Variants in GYG1 observed in about 807,000 individuals in gnomAD.
The protein encoded by GYG1 is glycogenin 1.
Under a neutral mutation model 41.9 loss-of-function variants are expected in GYG1, and 44 were observed. The ratio of observed to expected loss-of-function variants is 1.05; its 90% CI spans 0.83 to 1.35. The LOEUF (loss-of-function observed/expected upper bound fraction) is 1.35. Among genes scored for constraint, GYG1 ranks in the 40% most tolerant of loss-of-function variants. The pLI, the probability that GYG1 is intolerant of heterozygous loss-of-function variation, is 0.00. For missense variants in GYG1, 429 were observed against 418.9 expected, an observed-to-expected ratio of 1.02 and a Z score of -0.21; for synonymous variants, 141 against 158.1, an observed-to-expected ratio of 0.89 and a Z score of 0.81.
chr3:149,008,150 C>T (rs1355349263), intron 4 of GYG1: 1 of 152,178 alleles, frequency 6.6e-6, no homozygotes, highest in African/African-American at 2.4e-5. Flanking sequence ...GCCTTCTGGG[C>T]CCTCTGTTGA....
Position 148,996,450 on chromosome 3 carries a change from T to C in GYG1, c.292T>C (p.Cys98Arg). 3 of 1,614,000 alleles carry C rather than the reference T, an allele frequency of 1.9e-6. No homozygotes were observed. Among genetic ancestry groups the C allele is most frequent in the Non-Finnish European group, 2.5e-6 (3 of 1,179,924 alleles). ...HCWSLTQYSKCVFMDADTLVL... is the reference protein window; with the variant it reads ...HCWSLTQYSKRVFMDADTLVL... Reference sequence around the variant, plus strand: ...CTGGTCGCTTACACAGTATTCAAAATGTGTATTCATGGATGCAGATACTCT... The same window carrying C: ...CTGGTCGCTTACACAGTATTCAAAACGTGTATTCATGGATGCAGATACTCT... The change falls in exon 3 of 8, where the codon TGT (cysteine) becomes CGT (arginine). Residue 98 changes from cysteine (C) to arginine (R), a missense_variant. Physicochemically the swap from Cys to Arg is radical, Grantham distance 180. Transcript: ENST00000345003.
At chr3:149,013,355 T>G (rs752872026) in intron 5 of GYG1, among the ~76,000 whole-genome samples, 2 of 152,182 alleles carry the variant, frequency 1.3e-5, no homozygotes, top group Non-Finnish European at 2.9e-5. Flanking sequence ...ATCGTTTAGT[T>G]TCATTTTTGC....
intron 5 of GYG1, among the ~76,000 whole-genome samples, chr3:149,014,574 C>T (rs1184401572): frequency 3.3e-5 from 5 of 151,580 alleles, no homozygotes; most frequent in African/African-American, 1.2e-4. Context: ...GAGGGTGGAT[C>T]TCTTGAGCCC....
chr3:148,996,986 T>A, intron 4 of GYG1, 82 bp downstream of exon 4: 1 of 1,037,560 alleles, frequency 9.6e-7, no homozygotes, highest in Non-Finnish European at 1.5e-6. Flanking sequence ...ATAATTGCTG[T>A]GGTTTATTCT....
intron 1 of GYG1, 36 bp from the exon 2 acceptor site, chr3:148,994,106 T>C (rs755550685): frequency 1.0e-5 from 16 of 1,598,368 alleles, no homozygotes; most frequent in Admixed American, 3.3e-5. Flanking sequence ...CCAGATAAGA[T>C]ACTGTAATGA....
chr3:149,005,430 A>G (rs765795011), intron 4 of GYG1, among the ~76,000 whole-genome samples: 106 of 152,202 alleles, frequency 7.0e-4, no homozygotes, highest in Non-Finnish European at 5.1e-4. Flanking sequence ...TATAATCACA[A>G]TGTATGTAGC....
chr3:149,000,312 T>C (rs1713022708), intron 4 of GYG1, among the ~76,000 whole-genome samples: 2 of 152,254 alleles, frequency 1.3e-5, no homozygotes, highest in Admixed American at 6.5e-5. Flanking sequence ...ATTTTCAAAC[T>C]GTCTTGGCAC....
chr3:148,996,497 A>G, intron 3 of GYG1, 21 bp downstream of exon 3: 1 of 1,590,724 alleles, frequency 6.3e-7, no homozygotes, highest in Non-Finnish European at 8.6e-7. Flanking sequence ...CTTTGAGGGT[A>G]GAAAAGAAAG....
rs192597364 is a variant in GYG1 at position 149,003,136 on chromosome 3, A to T, written c.482-6140A>T. 8.5e-3 allele frequency among the ~76,000 whole-genome samples: 1,160 copies of T among 136,160 alleles called. 6 individuals carry two copies. The highest frequency in any genetic ancestry group is 0.013 in the Non-Finnish European group (850 of 64,570). The allele number at this position is 136,160 out of a possible 152,430, so 89.3% of individuals were successfully genotyped here. ...ATAATTTTTTTTTTTTTTTTTTGAGATGGAGTTTCACTGTTGTTGCCCAGG... is the reference window on the plus strand; with the variant it reads ...ATAATTTTTTTTTTTTTTTTTTGAGTTGGAGTTTCACTGTTGTTGCCCAGG... On this transcript the variant is annotated intron_variant, in intron 4 of 7. Transcript: ENST00000345003.
intron 4 of GYG1, among the ~76,000 whole-genome samples, chr3:149,006,196 C>A (rs1713396692): frequency 6.6e-6 from 1 of 150,940 alleles, no homozygotes; most frequent in Non-Finnish European, 1.5e-5. Flanking sequence ...TGTTCTTCTG[C>A]CTCAGCCTCC....
intron 5 of GYG1, among the ~76,000 whole-genome samples, chr3:149,023,302 C>T (rs1190636402): frequency 6.6e-6 from 1 of 152,176 alleles, no homozygotes; most frequent in African/African-American, 2.4e-5. Context: ...AGTGTCCTCC[C>T]CCTGAGGAGG....
intron 5 of GYG1, among the ~76,000 whole-genome samples, chr3:149,017,582 GTTTTTTTTTTTTTT>G (rs58075146): frequency 5.3e-4 from 25 of 47,380 alleles, no homozygotes; most frequent in East Asian, 1.8e-3. Flanking sequence ...TTTTATTTAG[GTTTTTTTTTTTTTT>G]TTTTTTTTTT....
At chr3:149,000,448 G>A (rs1459494949) in intron 4 of GYG1, among the ~76,000 whole-genome samples, 1 of 152,230 alleles carries the variant, frequency 6.6e-6, no homozygotes. Context: ...TTAGCACTAA[G>A]AGGGGAAGAG....
At chr3:149,019,189 A>T (rs922487834) in intron 5 of GYG1, among the ~76,000 whole-genome samples, 1 of 152,044 alleles carries the variant, frequency 6.6e-6, no homozygotes, top group Non-Finnish European at 1.5e-5. Context: ...CCTTTGCGTG[A>T]TTTCTGTATG....
chr3:149,021,694 C>T lies in GYG1; in HGVS notation c.609-2359C>T, dbSNP rs1299679557. Among the ~76,000 whole-genome samples, 4 of 152,012 alleles carry T rather than the reference C, an allele frequency of 2.6e-5. No individual in the cohort carries two copies. In the South Asian group the frequency reaches 6.2e-4, roughly 24 times the overall value. The stretch of plus-strand genomic sequence containing the variant: ...TTGTAGAAATATTATTATTCCCCAT[C>T]ATGTCCTTAAAGAATTTGGTCTCCA... On this transcript the variant is annotated intron_variant, in intron 5 of 7. Coordinates refer to ENST00000345003, the MANE Select transcript of GYG1 (RefSeq NM_004130.4).
chr3:149,006,509 A>G (rs1414125325), intron 4 of GYG1, among the ~76,000 whole-genome samples: 1 of 152,204 alleles, frequency 6.6e-6, no homozygotes, highest in African/African-American at 2.4e-5. Flanking sequence ...ATAGTATATA[A>G]CTTTGTGAGA....
chr3:148,994,124 T>C lies in GYG1; in HGVS notation c.8-18T>C, dbSNP rs1712649312. The C allele has an allele frequency of 6.2e-7, 1 of 1,612,016 alleles. No individual in the cohort carries two copies. The highest frequency in any genetic ancestry group is 1.3e-5 in the African/African-American group (1 of 74,870). On this transcript the variant is annotated intron_variant, in intron 1 of 7. Transcript: ENST00000345003. ...GATAAGATACTGTAATGAGTGTTTT[T>C]TTTTTCTTTGTATTAAGATCAGGCC...
chr3:149,012,631 T>C (rs1713796892), intron 5 of GYG1, among the ~76,000 whole-genome samples: 1 of 152,142 alleles, frequency 6.6e-6, no homozygotes, highest in Non-Finnish European at 1.5e-5. Flanking sequence ...TATCATTTGG[T>C]TAGAACAAAA....
At chr3:148,995,544 G>A (rs1439804303) in intron 2 of GYG1, among the ~76,000 whole-genome samples, 1 of 152,164 alleles carries the variant, frequency 6.6e-6, no homozygotes, top group East Asian at 1.9e-4. Flanking sequence ...ATTAGGATAT[G>A]TCTAAGAAAC....
Sources: gnomAD v4.1 joint callset for allele counts (sites outside exome capture counted in the v4.1 genomes callset) on GRCh38, gnomAD v4.1.1 for gene constraint, MANE v1.5 for transcripts, NCBI Gene and HGNC (gene_info 2026-07-23, HGNC 2026-07-21) for gene names.